Variants in DCUN1D4 observed in about 807,000 individuals in gnomAD.
DCUN1D4 encodes defective in cullin neddylation 1 domain containing 4, also known as DCN1-like protein 4.
Under a neutral mutation model 47.9 loss-of-function variants are expected in DCUN1D4, and 22 were observed. The observed-to-expected ratio is 0.46, with a 90% CI of 0.33 to 0.66. DCUN1D4 has a LOEUF of 0.66. Ranked by LOEUF, DCUN1D4 falls within the 30% of genes least tolerant of loss-of-function variation. The pLI, the probability that DCUN1D4 is intolerant of heterozygous loss-of-function variation, is 0.02. For missense variants in DCUN1D4, 301 were observed against 340.8 expected (o/e 0.88, Z 0.92); for synonymous variants, 121 against 112.2 (o/e 1.08, Z -0.50).
chr4:51,884,018 T>C (rs905199647), intron 5 of DCUN1D4, among the ~76,000 whole-genome samples: 2 of 149,546 alleles, frequency 1.3e-5, no homozygotes, highest in East Asian at 3.9e-4. Context: ...TATTTTTAAA[T>C]TTATGTTTAT....
At chr4:51,843,560 G>A in intron 1 of DCUN1D4, 1 of 1,279,688 alleles carries the variant, frequency 7.8e-7, no homozygotes. Context: ...TGCGATGAAG[G>A]GCCGAGATCG....
intron 8 of DCUN1D4, among the ~76,000 whole-genome samples, chr4:51,904,623 T>C (rs1232878271): frequency 6.6e-6 from 1 of 152,172 alleles, no homozygotes; most frequent in Non-Finnish European, 1.5e-5. Flanking sequence ...AACCTGAGGC[T>C]TACCTTATTT....
chr4:51,834,112 TTC>T, the DCUN1D4 span, among the ~76,000 whole-genome samples: 24 of 126,512 alleles, frequency 1.9e-4, 1 homozygote, highest in African/African-American at 6.6e-4. Context: ...TCTTTTTTTT[TTC>T]TTTTTTTTTT....
At position 51,890,812 on chromosome 4, in the gene DCUN1D4, C is replaced by T. The variant is rs138531576; in HGVS notation, c.415-948C>T. ...TTTGAAATGTCATTTTGTCTTTACA[C>T]CTTTAGGTATTTATTAAAACTCACC... On this transcript the variant is annotated intron_variant, in intron 6 of 10. Coordinates refer to ENST00000334635, the MANE Select transcript of DCUN1D4 (RefSeq NM_001040402.3). Among the ~76,000 whole-genome samples, 196 of 152,336 alleles carry T rather than the reference C, an allele frequency of 1.3e-3. 3 individuals are homozygous for T. The highest frequency in any genetic ancestry group is 4.2e-3 in the African/African-American group (174 of 41,580).
chr4:51,905,641 A>G (rs769864390), intron 8 of DCUN1D4, among the ~76,000 whole-genome samples: 12 of 152,192 alleles, frequency 7.9e-5, no homozygotes, highest in Non-Finnish European at 1.5e-4. Context: ...TTTTTCATTG[A>G]TCTGAGACTA....
Position 51,874,266 on chromosome 4 carries a change from T to C in DCUN1D4, c.137-5T>C. 1.2e-6 allele frequency: 2 copies of C among 1,606,140 alleles called. No individual in the cohort carries two copies. Among genetic ancestry groups the C allele is most frequent in the Middle Eastern group, 1.7e-4 (1 of 6,024 alleles). On this transcript the variant is annotated splice_region_variant and splice_polypyrimidine_tract_variant and intron_variant, in intron 3 of 10. Transcript: ENST00000334635. ...AATTTTGTGCTCTTTGAATTTGTTT[T>C]GTAGGAAGTCTGCGGTCTTGCAGTT...
intron 6 of DCUN1D4, among the ~76,000 whole-genome samples, chr4:51,888,399 T>G (rs1273962057): frequency 6.6e-6 from 1 of 152,188 alleles, no homozygotes; most frequent in African/African-American, 2.4e-5. Context: ...CAGTACTCAA[T>G]AAAAGATAGT....
At chr4:51,842,966 C>A, upstream of DCUN1D4, 1 of 1,008,540 alleles carries the variant, frequency 9.9e-7, no homozygotes, top group Non-Finnish European at 1.3e-6. Context: ...AGGGGCGTTA[C>A]GGAGACAAGG....
intron 1 of DCUN1D4, among the ~76,000 whole-genome samples, chr4:51,853,787 G>A (rs1723717905): frequency 6.6e-6 from 1 of 152,154 alleles, no homozygotes; most frequent in Non-Finnish European, 1.5e-5. Flanking sequence ...AGGAAGCTGG[G>A]TTTATTTTGG....
intron 3 of DCUN1D4, among the ~76,000 whole-genome samples, chr4:51,865,835 CACAGG>C (rs1472560806): frequency 6.6e-6 from 1 of 152,150 alleles, no homozygotes; most frequent in Non-Finnish European, 1.5e-5. Flanking sequence ...AGCAAGAATG[CACAGG>C]ACTTTCAGCA....
upstream of DCUN1D4, chr4:51,843,049 T>G: frequency 7.3e-7 from 1 of 1,376,196 alleles, no homozygotes; most frequent in Non-Finnish European, 9.4e-7. Context: ...CTATGGGCAC[T>G]CCTTTTGTCA....
intron 5 of DCUN1D4, 93 bp from the exon 6 acceptor site, chr4:51,886,475 T>C (rs1729492109): frequency 9.0e-7 from 1 of 1,105,036 alleles, no homozygotes; most frequent in Admixed American, 2.5e-5. Context: ...TAATGGCCTT[T>C]AAGTCTTACT....
intron 1 of DCUN1D4, 25 bp downstream of exon 1, chr4:51,843,292 G>C: frequency 6.6e-7 from 1 of 1,515,030 alleles, no homozygotes; most frequent in Non-Finnish European, 8.8e-7. Flanking sequence ...GCCAGCCAGC[G>C]GGCCGGGGCC....
intron 1 of DCUN1D4, chr4:51,843,499 G>C: frequency 3.1e-6 from 4 of 1,289,416 alleles, no homozygotes; most frequent in Admixed American, 4.2e-5. Context: ...CGGAGGTGAG[G>C]GGGGTGGGGA....
chr4:51,844,441 G>A, intron 1 of DCUN1D4: 1 of 980,238 alleles, frequency 1.0e-6, no homozygotes, highest in Non-Finnish European at 1.2e-6. Context: ...CTAGGAGGCG[G>A]GGCAGGGGTG....
At chr4:51,910,121 A>C (rs1456876024) in intron 8 of DCUN1D4, among the ~76,000 whole-genome samples, 1 of 152,120 alleles carries the variant, frequency 6.6e-6, no homozygotes, top group African/African-American at 2.4e-5. Context: ...CTTTGTAAAA[A>C]ACTACTTTTA....
At chr4:51,868,269 C>A (rs543800779) in intron 3 of DCUN1D4, among the ~76,000 whole-genome samples, 6 of 152,178 alleles carry the variant, frequency 3.9e-5, no homozygotes, top group Admixed American at 3.3e-4. Context: ...CTCCTGCCCC[C>A]ACAGCTCAGA....
chr4:51,901,398 T>C (rs1367241974), intron 8 of DCUN1D4, among the ~76,000 whole-genome samples: 1 of 152,176 alleles, frequency 6.6e-6, no homozygotes, highest in Non-Finnish European at 1.5e-5. Context: ...CCAAGTCTAG[T>C]ATGTGGGTTA....
At chr4:51,859,131 T>C (rs1414238988) in intron 1 of DCUN1D4, among the ~76,000 whole-genome samples, 1 of 152,180 alleles carries the variant, frequency 6.6e-6, no homozygotes, top group East Asian at 1.9e-4. Flanking sequence ...GCCAGCAGAA[T>C]AGGAATTTTG....
Sources: gnomAD v4.1 joint callset for allele counts (sites outside exome capture counted in the v4.1 genomes callset) on GRCh38, gnomAD v4.1.1 for gene constraint, MANE v1.5 for transcripts, NCBI Gene and HGNC (gene_info 2026-07-23, HGNC 2026-07-21) for gene names.